NEK5: variants seen among roughly 807,000 people sequenced by gnomAD.
The protein encoded by NEK5 is NIMA related kinase 5, also known as serine/threonine-protein kinase Nek5.
Under a neutral mutation model 109.2 loss-of-function variants are expected in NEK5, and 88 were observed. That is an observed-to-expected ratio of 0.81 (90% CI 0.68 to 0.96). NEK5 has a LOEUF of 0.96. NEK5 is among the 40% of genes least tolerant of loss of function. The pLI, the probability that NEK5 is intolerant of heterozygous loss-of-function variation, is 0.00. For synonymous variants in NEK5, 283 were observed against 299.9 expected, an observed-to-expected ratio of 0.94 and a Z score of 0.58; for missense variants, 834 against 920.7, an observed-to-expected ratio of 0.91 and a Z score of 1.22.
intron 7 of NEK5, 41 bp downstream of exon 7, chr13:52,110,299 C>A (rs1566814796): frequency 1.6e-6 from 2 of 1,258,174 alleles, no homozygotes; most frequent in Admixed American, 3.5e-5. Flanking sequence ...CATATTTGGG[C>A]TATTTTGACT....
Position 52,127,628 on chromosome 13 carries a change from CAG to C in NEK5, c.-58_-57del. ...AACTTTCCTCCCAGCCTTGCCAAGA[CAG>C]AGACAAATAACTTTCTTTGTGGCCA... is the stretch of plus-strand genomic sequence containing the variant. On this transcript the variant is annotated 5_prime_UTR_variant, in exon 2 of 24. Coordinates refer to ENST00000684899, the MANE Select transcript of NEK5 (RefSeq NM_001365552.1). The C allele has an allele frequency of 3.3e-6, 2 of 603,554 alleles. No homozygotes were observed. The highest frequency in any genetic ancestry group is 5.5e-5 in the East Asian group (2 of 36,640). 37.4% of individuals were successfully genotyped at this position (603,554 alleles called of 1,614,324 possible). A position where few individuals can be genotyped will look rare whatever the true frequency, so the allele number is the denominator to read the frequency against.
chr13:52,045,291 G>A (rs542415456), intron 23 of NEK5, among the ~76,000 whole-genome samples: 79 of 150,308 alleles, frequency 5.3e-4, no homozygotes, highest in African/African-American at 1.7e-3. Flanking sequence ...CCCCACGCCC[G>A]GCTAATTTTT....
intron 23 of NEK5, among the ~76,000 whole-genome samples, chr13:52,047,429 A>C (rs1381285921): frequency 2.6e-5 from 4 of 152,216 alleles, no homozygotes; most frequent in African/African-American, 9.6e-5. Flanking sequence ...AGCAGATTAG[A>C]TTGGTTGACT....
chr13:52,084,756 A>AGTGTGTGT (rs1357515123), intron 16 of NEK5, among the ~76,000 whole-genome samples: 2 of 52,148 alleles, frequency 3.8e-5, no homozygotes, highest in Non-Finnish European at 1.1e-4. Context: ...AGAGAGAGAG[A>AGTGTGTGT]GAGAGAGTGT....
intron 22 of NEK5, among the ~76,000 whole-genome samples, chr13:52,058,718 A>C (rs1360641803): frequency 6.6e-6 from 1 of 152,052 alleles, no homozygotes; most frequent in African/African-American, 2.4e-5. Flanking sequence ...TTCCCTATTT[A>C]ATAAATGGTG....
chr13:52,082,931 G>A (rs1272627948), intron 17 of NEK5, among the ~76,000 whole-genome samples: 17 of 152,134 alleles, frequency 1.1e-4, no homozygotes, highest in Admixed American at 1.1e-3. Context: ...GGTGGATCAC[G>A]AGGTCAAGAG....
At chr13:52,115,585 C>T (rs1593997977) in intron 4 of NEK5, among the ~76,000 whole-genome samples, 1 of 107,612 alleles carries the variant, frequency 9.3e-6, no homozygotes, top group Non-Finnish European at 1.7e-5. Flanking sequence ...GCCTGGGTGA[C>T]AGAGTGAGAC....
chr13:52,076,004 C>T (rs1255074114), intron 18 of NEK5, 59 bp downstream of exon 18: 2 of 1,125,314 alleles, frequency 1.8e-6, no homozygotes, highest in African/African-American at 3.1e-5. Context: ...ACCGAGATCA[C>T]AAGGTGGCTC....
intron 5 of NEK5, among the ~76,000 whole-genome samples, chr13:52,111,664 A>C (rs1340719426): frequency 6.6e-6 from 1 of 152,224 alleles, no homozygotes; most frequent in Non-Finnish European, 1.5e-5. Flanking sequence ...GAGCTAATTC[A>C]GATTCCTCTC....
intron 20 of NEK5, among the ~76,000 whole-genome samples, chr13:52,070,379 G>T (rs1359860325): frequency 6.6e-6 from 1 of 152,198 alleles, no homozygotes; most frequent in Non-Finnish European, 1.5e-5. Context: ...TTTAGTAACT[G>T]ATATCGTTTG....
Position 52,127,521 on chromosome 13 carries a change from G to C in NEK5, c.-22-17C>G, listed in dbSNP as rs777774414. The C allele has an allele frequency of 9.1e-7, 1 of 1,100,854 alleles. No homozygotes were observed. The allele number at this position is 1,100,854 out of a possible 1,614,324, so 68.2% of individuals were successfully genotyped here. A position where few individuals can be genotyped will look rare whatever the true frequency, so the allele number is the denominator to read the frequency against. Reference sequence around the variant, plus strand: ...CTGAGTTTCCTGGAATTAGAGTAATGTAAATTTATCACACACGTCTCATAA... The same window carrying C: ...CTGAGTTTCCTGGAATTAGAGTAATCTAAATTTATCACACACGTCTCATAA... On this transcript the variant is annotated splice_polypyrimidine_tract_variant and intron_variant, in intron 2 of 23. Transcript: ENST00000684899.
chr13:52,052,698 A>G (rs1954518348), intron 22 of NEK5, among the ~76,000 whole-genome samples: 1 of 152,172 alleles, frequency 6.6e-6, no homozygotes, highest in African/African-American at 2.4e-5. Flanking sequence ...TTATATCTAT[A>G]AAGGAAATCT....
At chr13:52,056,442 C>T (rs1250851008) in intron 22 of NEK5, among the ~76,000 whole-genome samples, 3 of 150,534 alleles carry the variant, frequency 2.0e-5, no homozygotes, top group Non-Finnish European at 3.0e-5. Flanking sequence ...CTGCACCAAG[C>T]GGACCTAATA....
Position 52,075,998 on chromosome 13 carries a change from A to C in NEK5, c.1653+65T>G, listed in dbSNP as rs1190050873. 3 of 1,070,914 alleles carry C rather than the reference A, an allele frequency of 2.8e-6. No homozygotes were observed. In the African/African-American group the frequency reaches 4.8e-5, roughly 17 times the overall value. The allele number at this position is 1,070,914 out of a possible 1,614,324, so 66.3% of individuals were successfully genotyped here. A position where few individuals can be genotyped will look rare whatever the true frequency, so the allele number is the denominator to read the frequency against. On this transcript the variant is annotated intron_variant, in intron 18 of 23. Transcript: ENST00000684899. ...AGGGGGAAAATCATGCAGGCAACCGAGATCACAAGGTGGCTCCCCAGCCAG... is the reference window on the plus strand; with the variant it reads ...AGGGGGAAAATCATGCAGGCAACCGCGATCACAAGGTGGCTCCCCAGCCAG...
At chr13:52,093,790 A>G (rs1010224955) in intron 12 of NEK5, among the ~76,000 whole-genome samples, 1 of 152,222 alleles carries the variant, frequency 6.6e-6, no homozygotes, top group African/African-American at 2.4e-5. Flanking sequence ...CTTCATGGCT[A>G]GTATGTGAAA....
intron 22 of NEK5, among the ~76,000 whole-genome samples, chr13:52,059,161 C>T (rs34417848): frequency 0.37 from 26,470 of 71,076 alleles, 5,528 homozygotes; most frequent in Middle Eastern, 0.5. Flanking sequence ...ACAGACACTT[C>T]TCAAAAGAAG....
At chr13:52,067,911 C>T (rs926463354) in intron 20 of NEK5, among the ~76,000 whole-genome samples, 4 of 151,994 alleles carry the variant, frequency 2.6e-5, no homozygotes, top group East Asian at 1.9e-4. Context: ...AGGCTAGTCT[C>T]GAACTCCTGG....
At chr13:52,084,018 A>G (rs1432023883) in intron 16 of NEK5, among the ~76,000 whole-genome samples, 1 of 152,080 alleles carries the variant, frequency 6.6e-6, no homozygotes, top group Admixed American at 6.5e-5. Context: ...TTCTTTCAGA[A>G]TGCCCACTCT....
At chr13:52,038,825 G>GAAAAAAAAAAAAAAAAAA (rs1183060212) in intron 23 of NEK5, among the ~76,000 whole-genome samples, 1 of 94,566 alleles carries the variant, frequency 1.1e-5, no homozygotes, top group Non-Finnish European at 2.0e-5. Context: ...ACACTCATCT[G>GAAAAAAAAAAAAAAAAAA]AAAAAAAAAA....
Sources: gnomAD v4.1 joint callset for allele counts (sites outside exome capture counted in the v4.1 genomes callset) on GRCh38, gnomAD v4.1.1 for gene constraint, MANE v1.5 for transcripts, NCBI Gene and HGNC (gene_info 2026-07-23, HGNC 2026-07-21) for gene names.